Variants in PATJ observed in about 807,000 individuals in gnomAD.
PATJ encodes inaD-like protein.
PATJ carries 190 observed loss-of-function variants against 224.9 expected under a neutral mutation model. That is an observed-to-expected ratio of 0.84 (90% CI 0.75 to 0.95). The LOEUF (loss-of-function observed/expected upper bound fraction) is 0.95, where lower values mean the gene tolerates loss of function less well. Among genes scored for constraint, PATJ ranks in the 40% least tolerant of loss-of-function variants. The probability of loss-of-function intolerance (pLI) is 0.00; values close to 1 mark genes in which losing one functional copy is unlikely to be tolerated. For synonymous variants in PATJ, 769 were observed against 820.3 expected (o/e 0.94, Z 1.07); for missense variants, 2,121 against 2,270.3 (o/e 0.93, Z 1.34).
intron 14 of PATJ, among the ~76,000 whole-genome samples, chr1:61,819,473 A>G: frequency 6.6e-6 from 1 of 152,116 alleles, no homozygotes; most frequent in East Asian, 1.9e-4. Flanking sequence ...TTCATCCTAT[A>G]TTTCCAGCTC....
rs1160057686 is a variant in PATJ at position 62,116,673 on chromosome 1, C to T, written c.4797C>T (p.Ile1599=). Residue 1599 remains isoleucine, a synonymous_variant, in exon 36 of 44, where the codon ATC becomes ATT. Transcript: ENST00000642238. The part of the protein sequence containing the change: ...RNASQETVAT[I]LKCAQGLVQL... Reference sequence around the variant, plus strand: ...CCTCACAGGAGACAGTGGCCACCATCCTCAAGGTGAGTTGCTAGGCTGCTT... The same window carrying T: ...CCTCACAGGAGACAGTGGCCACCATTCTCAAGGTGAGTTGCTAGGCTGCTT... 6.8e-6 allele frequency: 11 copies of T among 1,606,762 alleles called. No individual in the cohort carries two copies. The highest frequency in any genetic ancestry group is 2.2e-5 in the East Asian group (1 of 44,748).
intron 22 of PATJ, among the ~76,000 whole-genome samples, chr1:61,891,817 A>G (rs367768503): frequency 4.6e-5 from 7 of 152,318 alleles, no homozygotes; most frequent in African/African-American, 1.7e-4. Flanking sequence ...TAAGATATGT[A>G]TACATTCATG....
intron 41 of PATJ, among the ~76,000 whole-genome samples, chr1:62,129,408 G>A (rs1666047570): frequency 6.6e-6 from 1 of 152,198 alleles, no homozygotes. Flanking sequence ...CATCAACCAA[G>A]GCAGACAATT....
At chr1:62,002,715 A>T in intron 28 of PATJ, among the ~76,000 whole-genome samples, 1 of 47,136 alleles carries the variant, frequency 2.1e-5, no homozygotes. Flanking sequence ...GTCTCAAAAA[A>T]AAAAAAAAAA....
intron 1 of PATJ, among the ~76,000 whole-genome samples, chr1:61,756,780 A>G (rs541396736): frequency 2.0e-5 from 3 of 151,834 alleles, no homozygotes; most frequent in Non-Finnish European, 4.4e-5. Context: ...AGGTTTCATC[A>G]TATTGGCCAG....
At chr1:62,069,844 A>G (rs559621149) in intron 31 of PATJ, among the ~76,000 whole-genome samples, 4 of 152,252 alleles carry the variant, frequency 2.6e-5, no homozygotes, top group East Asian at 1.9e-4. Context: ...ATTGAATTCA[A>G]CTTTGCTCAC....
chr1:62,114,331 T>C (rs1260060867), intron 35 of PATJ, 85 bp downstream of exon 35: 5 of 1,171,242 alleles, frequency 4.3e-6, no homozygotes, highest in Non-Finnish European at 6.1e-6. Flanking sequence ...AAGCCTAATG[T>C]AAAGTAGTGA....
At chr1:61,912,118 T>C (rs1672752091) in intron 25 of PATJ, among the ~76,000 whole-genome samples, 1 of 152,108 alleles carries the variant, frequency 6.6e-6, no homozygotes, top group South Asian at 2.1e-4. Context: ...ATACCATTGT[T>C]CTATAAGGGT....
At chr1:61,928,681 A>C (rs1675582456) in intron 27 of PATJ, among the ~76,000 whole-genome samples, 2 of 152,128 alleles carry the variant, frequency 1.3e-5, no homozygotes, top group Non-Finnish European at 2.9e-5. Flanking sequence ...ATGAGGATTA[A>C]AATAAAGCAA....
intron 30 of PATJ, among the ~76,000 whole-genome samples, chr1:62,040,689 GAC>G (rs1651317965): frequency 7.0e-6 from 1 of 143,060 alleles, no homozygotes; most frequent in African/African-American, 2.5e-5. Flanking sequence ...TGAAATATGA[GAC>G]AAGAGGGAGA....
chr1:61,822,347 G>A (rs1376994581), intron 14 of PATJ, among the ~76,000 whole-genome samples: 1 of 151,674 alleles, frequency 6.6e-6, no homozygotes, highest in African/African-American at 2.4e-5. Flanking sequence ...GCTTGAACCC[G>A]GGAGGTGAAG....
chr1:61,841,947 C>G (rs987851176), intron 17 of PATJ, among the ~76,000 whole-genome samples: 1 of 152,184 alleles, frequency 6.6e-6, no homozygotes, highest in Non-Finnish European at 1.5e-5. Flanking sequence ...TCCCTTAAAT[C>G]ATTTTAAGCT....
At chr1:62,109,906 A>G (rs1211871088) in intron 34 of PATJ, among the ~76,000 whole-genome samples, 3 of 152,188 alleles carry the variant, frequency 2.0e-5, no homozygotes, top group African/African-American at 7.2e-5. Context: ...TTATACCTCA[A>G]TAAGGATTTT....
At chr1:61,913,270 T>C (rs756739026) in intron 25 of PATJ, among the ~76,000 whole-genome samples, 1 of 152,176 alleles carries the variant, frequency 6.6e-6, no homozygotes, top group African/African-American at 2.4e-5. Flanking sequence ...GATCTTGCCC[T>C]GTCACCCAGG....
intron 43 of PATJ, among the ~76,000 whole-genome samples, chr1:62,157,823 T>C: frequency 1.0e-5 from 1 of 96,556 alleles, no homozygotes; most frequent in Non-Finnish European, 1.9e-5. Flanking sequence ...AGAGTGAGAC[T>C]CTGTCTCCAA....
intron 9 of PATJ, among the ~76,000 whole-genome samples, chr1:61,793,626 G>C (rs938486298): frequency 2.0e-5 from 3 of 151,446 alleles, no homozygotes; most frequent in African/African-American, 7.3e-5. Flanking sequence ...GGCTGAGGTG[G>C]GATCGCTTGA....
At chr1:62,072,079 A>T (rs1403087525) in intron 31 of PATJ, among the ~76,000 whole-genome samples, 1 of 152,178 alleles carries the variant, frequency 6.6e-6, no homozygotes, top group Non-Finnish European at 1.5e-5. Flanking sequence ...CTATTAAAAA[A>T]AAAATAGGAT....
chr1:62,143,127 G>A lies in PATJ; in HGVS notation c.5272-5157G>A, dbSNP rs559000707. 2.2e-4 allele frequency among the ~76,000 whole-genome samples: 34 copies of A among 152,142 alleles called. 1 individual carries two copies. Among genetic ancestry groups the A allele is most frequent in the African/African-American group, 7.0e-4 (29 of 41,516 alleles). On this transcript the variant is annotated intron_variant, in intron 41 of 43. Transcript: ENST00000642238. ...GAATCCAGGGGACTTGATGGATTAC[G>A]TACAGCAAGCAGGAGTGGAGGGATC...
intron 27 of PATJ, among the ~76,000 whole-genome samples, chr1:61,967,423 T>C (rs988722900): frequency 1.3e-5 from 2 of 152,232 alleles, no homozygotes; most frequent in African/African-American, 4.8e-5. Flanking sequence ...TCAGAAGCAT[T>C]CAATGTCTGC....
Sources: gnomAD v4.1 joint callset for allele counts (sites outside exome capture counted in the v4.1 genomes callset) on GRCh38, gnomAD v4.1.1 for gene constraint, MANE v1.5 for transcripts, NCBI Gene and HGNC (gene_info 2026-07-23, HGNC 2026-07-21) for gene names.